The following ROBO1 variants were observed in gnomAD, a reference collection of about 807,000 sequenced individuals.
ROBO1 encodes the protein roundabout homolog 1.
In ROBO1, 149 loss-of-function variants were observed where a neutral mutation model predicts 195.9. That is an observed-to-expected ratio of 0.76 (90% confidence interval 0.67 to 0.87). ROBO1 has a LOEUF of 0.87. Ranked by LOEUF, ROBO1 falls within the 40% of genes least tolerant of loss-of-function variation. The pLI is 0.00. For missense variants in ROBO1, 1,933 were observed against 2,068.3 expected (o/e 0.93, Z 1.27); for synonymous variants, 816 against 733.2 (o/e 1.11, Z -1.82).
intron 3 of ROBO1, among the ~76,000 whole-genome samples, chr3:79,054,077 A>G (rs747945578): frequency 6.6e-6 from 1 of 152,224 alleles, no homozygotes; most frequent in East Asian, 1.9e-4. Context: ...AGCATTTACA[A>G]TTCCATACCT....
At chr3:79,220,111 T>C (rs2082112004) in intron 2 of ROBO1, among the ~76,000 whole-genome samples, 2 of 152,110 alleles carry the variant, frequency 1.3e-5, no homozygotes, top group African/African-American at 4.8e-5. Flanking sequence ...AAAGGGAATG[T>C]ATGCTTTTCT....
At chr3:79,105,921 C>T (rs1041714906) in intron 3 of ROBO1, among the ~76,000 whole-genome samples, 14 of 151,550 alleles carry the variant, frequency 9.2e-5, no homozygotes, top group Admixed American at 1.3e-4. Flanking sequence ...TGTAAGTTGC[C>T]GGAGGTCCCC....
At chr3:79,339,658 T>C (rs745500817) in intron 2 of ROBO1, among the ~76,000 whole-genome samples, 2 of 152,184 alleles carry the variant, frequency 1.3e-5, no homozygotes, top group Non-Finnish European at 2.9e-5. Context: ...TCTGACATAC[T>C]ATATAAGGTG....
intron 2 of ROBO1, among the ~76,000 whole-genome samples, chr3:79,429,227 C>G (rs1206113341): frequency 8.5e-5 from 13 of 152,114 alleles, no homozygotes; most frequent in Admixed American, 8.5e-4. Flanking sequence ...TACATACACT[C>G]CTTTGAACAA....
At chr3:79,168,252 G>A (rs952305232) in intron 2 of ROBO1, among the ~76,000 whole-genome samples, 3 of 152,058 alleles carry the variant, frequency 2.0e-5, no homozygotes, top group Non-Finnish European at 4.4e-5. Flanking sequence ...TTTAGTCATC[G>A]CCCTGCTAAA....
intron 3 of ROBO1, among the ~76,000 whole-genome samples, chr3:79,046,562 G>A (rs2078598123): frequency 2.6e-5 from 4 of 152,114 alleles, no homozygotes; most frequent in South Asian, 2.1e-4. Flanking sequence ...GAGCCAGTAC[G>A]AGTCTCAAAA....
At chr3:78,734,498 C>T (rs781646467) in intron 5 of ROBO1, among the ~76,000 whole-genome samples, 115 of 151,692 alleles carry the variant, frequency 7.6e-4, no homozygotes, top group Non-Finnish European at 1.3e-3. Flanking sequence ...GAGATTGAGG[C>T]TGCAGTGAGC....
intron 2 of ROBO1, among the ~76,000 whole-genome samples, chr3:79,548,940 T>C (rs1942374190): frequency 6.6e-6 from 1 of 152,182 alleles, no homozygotes; most frequent in African/African-American, 2.4e-5. Flanking sequence ...TCTTGTTACA[T>C]GCTCTTCTCC....
rs149681211 is a variant in ROBO1, at chr3:78,980,788, G to C, written c.173-41861C>G. Among the ~76,000 whole-genome samples the C allele has an allele frequency of 1.6e-3, 239 of 151,904 alleles. 3 individuals carry two copies. Among genetic ancestry groups the C allele is most frequent in the African/African-American group, 5.6e-3 (230 of 41,420 alleles). ...ACCTCCTCAAAACACTTCAGTCCATGGAAATAAATAAAACTTACACCCCTG... is the reference window on the plus strand; with the variant it reads ...ACCTCCTCAAAACACTTCAGTCCATCGAAATAAATAAAACTTACACCCCTG... On this transcript the variant is annotated intron_variant, in intron 3 of 30. Coordinates refer to ENST00000464233, the MANE Select transcript of ROBO1 (RefSeq NM_002941.4).
In ROBO1 at chr3:79,104,760, TGAGA is replaced by T. The variant is rs374903998; in HGVS notation, c.172+20692_172+20695del. On this transcript the variant is annotated intron_variant, in intron 3 of 30. Coordinates refer to ENST00000464233, the MANE Select transcript of ROBO1 (RefSeq NM_002941.4). Reference sequence around the variant, plus strand: ...AGTCCATGCTCCTTGATAGCAAGAGTGAGAGAGACAACTGTCCCCTCGCCCTATC... The same window carrying T: ...AGTCCATGCTCCTTGATAGCAAGAGTGAGACAACTGTCCCCTCGCCCTATC... 8.6e-5 allele frequency among the ~76,000 whole-genome samples: 13 copies of T among 151,478 alleles called. 1 individual carries two copies. The highest frequency in any genetic ancestry group is 3.1e-4 in the African/African-American group (13 of 41,380).
chr3:79,048,975 C>T (rs1310920628), intron 3 of ROBO1, among the ~76,000 whole-genome samples: 1 of 152,024 alleles, frequency 6.6e-6, no homozygotes, highest in African/African-American at 2.4e-5. Flanking sequence ...TTCCAAAAAC[C>T]AGAGCACCTC....
chr3:79,695,160 G>A (rs909628591), intron 1 of ROBO1, among the ~76,000 whole-genome samples: 1 of 151,510 alleles, frequency 6.6e-6, no homozygotes, highest in East Asian at 1.9e-4. Context: ...AGAAAATGAG[G>A]AAAATATGAA....
chr3:78,669,217 C>T (rs1707914398), intron 11 of ROBO1, among the ~76,000 whole-genome samples: 1 of 152,154 alleles, frequency 6.6e-6, no homozygotes, highest in African/African-American at 2.4e-5. Context: ...ATAATAAACC[C>T]ATCTACTTCT....
At chr3:79,228,190 A>G (rs1453913091) in intron 2 of ROBO1, among the ~76,000 whole-genome samples, 3 of 152,188 alleles carry the variant, frequency 2.0e-5, no homozygotes, top group Non-Finnish European at 2.9e-5. Context: ...GAAGAAGAAA[A>G]AGGAGAAAAA....
intron 3 of ROBO1, among the ~76,000 whole-genome samples, chr3:79,020,717 A>T (rs1576579011): frequency 1.3e-5 from 2 of 152,204 alleles, no homozygotes; most frequent in South Asian, 4.1e-4. Context: ...AATAAATAAA[A>T]AGACACACTA....
chr3:79,243,977 G>A (rs2082572809), intron 2 of ROBO1, among the ~76,000 whole-genome samples: 4 of 152,136 alleles, frequency 2.6e-5, no homozygotes, highest in Admixed American at 2.6e-4. Context: ...TAACATTTAA[G>A]TCTTTAATCC....
At chr3:79,501,088 A>C (rs1050757452) in intron 2 of ROBO1, among the ~76,000 whole-genome samples, 5 of 152,154 alleles carry the variant, frequency 3.3e-5, no homozygotes, top group Non-Finnish European at 7.4e-5. Flanking sequence ...GGGTATGGCA[A>C]ACCATGGAGT....
At chr3:78,994,167 C>T (rs901253714) in intron 3 of ROBO1, among the ~76,000 whole-genome samples, 2 of 152,106 alleles carry the variant, frequency 1.3e-5, no homozygotes, top group African/African-American at 4.8e-5. Context: ...AGGAAGCTTT[C>T]GCCTTTTAAT....
intron 4 of ROBO1, among the ~76,000 whole-genome samples, chr3:78,779,588 A>C (rs2083611278): frequency 6.6e-6 from 1 of 152,218 alleles, no homozygotes; most frequent in African/African-American, 2.4e-5. Context: ...AATGTTGTTC[A>C]TTCAAAAGTC....
Sources: allele counts gnomAD v4.1 joint callset (sites outside exome capture counted in the v4.1 genomes callset), GRCh38; gene constraint gnomAD v4.1.1; transcripts MANE v1.5; gene names NCBI Gene and HGNC (gene_info 2026-07-23, HGNC 2026-07-21).